Variants in ATF7IP observed in about 807,000 individuals in gnomAD.
ATF7IP encodes activating transcription factor 7 interacting protein.
Under a neutral mutation model 106.4 loss-of-function variants are expected in ATF7IP, and 23 were observed. The observed-to-expected ratio is 0.22, with a 90% CI of 0.16 to 0.31. The LOEUF is 0.31. Among genes scored for constraint, ATF7IP ranks in the 10% least tolerant of loss-of-function variants. The pLI, the probability that ATF7IP is intolerant of heterozygous loss-of-function variation, is 1.00. For missense variants in ATF7IP, 1,334 were observed against 1,524.3 expected, an observed-to-expected ratio of 0.88 and a Z score of 2.08; for synonymous variants, 542 against 539.0, an observed-to-expected ratio of 1.01 and a Z score of -0.08.
chr12:14,393,294 C>G (rs1402821190), intron 1 of ATF7IP, among the ~76,000 whole-genome samples: 1 of 151,962 alleles, frequency 6.6e-6, no homozygotes, highest in Non-Finnish European at 1.5e-5. Flanking sequence ...GTTCTCAATG[C>G]TTAGATTATT....
chr12:14,476,135 G>A, intron 11 of ATF7IP, 167 bp downstream of exon 11: 1 of 576,646 alleles, frequency 1.7e-6, no homozygotes, highest in Non-Finnish European at 3.0e-6. Flanking sequence ...TTGGCCAGGT[G>A]CAGTGTCTCA....
At chr12:14,476,160 G>T (rs1226307209) in intron 11 of ATF7IP, 192 bp downstream of exon 11, 11 of 484,644 alleles carry the variant, frequency 2.3e-5, no homozygotes, top group Non-Finnish European at 3.3e-5. Context: ...TGTAATCCCA[G>T]TGCTTTGGGA....
intron 13 of ATF7IP, among the ~76,000 whole-genome samples, chr12:14,485,156 C>T (rs574166631): frequency 2.0e-5 from 3 of 152,240 alleles, no homozygotes; most frequent in Admixed American, 2.0e-4. Context: ...AGTGGCAGAA[C>T]AGCTTGCTCA....
chr12:14,388,699 T>C (rs1939384032), intron 1 of ATF7IP, among the ~76,000 whole-genome samples: 1 of 152,086 alleles, frequency 6.6e-6, no homozygotes, highest in South Asian at 2.1e-4. Context: ...CAGGCTGGAG[T>C]GCAGTGGCAA....
chr12:14,442,677 A>G lies in ATF7IP; in HGVS notation c.1930-4311A>G, dbSNP rs143003052. The stretch of plus-strand genomic sequence containing the variant: ...GTTTTAGTATAATTATCCAGGGACA[A>G]TTTGTTCAGTTGAATACATCTGAGA... On this transcript the variant is annotated intron_variant, in intron 5 of 14. Transcript: ENST00000261168. Among the ~76,000 whole-genome samples, 700 of 152,338 alleles carry G rather than the reference A, an allele frequency of 4.6e-3. 5 individuals are homozygous for G. Among genetic ancestry groups the G allele is most frequent in the African/African-American group, 0.015 (642 of 41,580 alleles).
At position 14,460,542 on chromosome 12, in the gene ATF7IP, C is replaced by G. The variant is rs574460805; in HGVS notation, c.2206C>G (p.Pro736Ala). 6.2e-7 allele frequency: 1 copy of G among 1,614,132 alleles called. No homozygotes were observed. The highest frequency in any genetic ancestry group is 8.5e-7 in the Non-Finnish European group (1 of 1,180,010). Residue 736 changes from proline to alanine, a missense_variant, in exon 9 of 15, where the codon CCT (proline) becomes GCT (alanine). Around this residue, in one of 10 missense-constraint regions of ATF7IP, gnomAD observed 171 missense variants for 172.6 expected, o/e 0.99. Transcript: ENST00000261168. ...TCCTCCAGCAGTTGTCAGTAGTCAA[C>G]CTAAATTGCAGACTCCAGTGACTTC... ...VTPPAVVSSQ[P>A]KLQTPVTSGS...
At chr12:14,435,360 G>A (rs939678334) in intron 3 of ATF7IP, among the ~76,000 whole-genome samples, 2 of 152,106 alleles carry the variant, frequency 1.3e-5, no homozygotes, top group Non-Finnish European at 2.9e-5. Context: ...TTACAAGTAG[G>A]CATATAGATA....
rs191442664 is a variant in ATF7IP, at chr12:14,449,461, A to G, written c.1995+2408A>G. On this transcript the variant is annotated intron_variant, in intron 6 of 14. Transcript: ENST00000261168. ...ATCATTTGACCGTATATGTGAGTTT[A>G]TTTCTAAGCTCTCTATTCATTTCCT... Among the ~76,000 whole-genome samples, 9 of 151,890 alleles carry G rather than the reference A, an allele frequency of 5.9e-5. No homozygotes were observed. The East Asian group carries it at 1.7e-3, about 29-fold the overall frequency.
rs1218606375 is a variant in ATF7IP, at chr12:14,391,638, G to C, written c.-8+25811G>C. Among the ~76,000 whole-genome samples, 3 of 152,058 alleles carry C rather than the reference G, an allele frequency of 2.0e-5. No individual in the cohort carries two copies. In the East Asian group the frequency reaches 5.8e-4, roughly 29 times the overall value. ...ATGTTCTTCCTCTCATTAGTTATAG[G>C]TTATATGAAAAATGGATATATAGTG... On this transcript the variant is annotated intron_variant, in intron 1 of 14. Transcript: ENST00000261168.
Position 14,456,551 on chromosome 12 carries a change from T to TC in ATF7IP, c.1996-9dup, listed in dbSNP as rs1943432456. The TC allele has an allele frequency of 1.2e-6, 2 of 1,604,224 alleles. No homozygotes were observed. The highest frequency in any genetic ancestry group is 1.7e-6 in the Non-Finnish European group (2 of 1,173,742). On this transcript the variant is annotated splice_polypyrimidine_tract_variant and intron_variant, in intron 6 of 14. Coordinates refer to ENST00000261168, the MANE Select transcript of ATF7IP (RefSeq NM_018179.5). ...TTTTATTTTTACCTTGATTTTTTTT[T>TC]CTCCCCCAGCATCCACCCAACCCAC...
intron 13 of ATF7IP, among the ~76,000 whole-genome samples, chr12:14,487,098 C>T (rs186162514): frequency 9.5e-4 from 142 of 149,924 alleles, no homozygotes; most frequent in African/African-American, 3.5e-3. Context: ...CTTATTTCAA[C>T]TAACCAAGCA....
intron 2 of ATF7IP, among the ~76,000 whole-genome samples, chr12:14,430,900 A>C (rs1942084018): frequency 6.6e-6 from 1 of 152,256 alleles, no homozygotes; most frequent in South Asian, 2.1e-4. Flanking sequence ...GACAGAATTA[A>C]GAGGTTGTGT....
intron 1 of ATF7IP, among the ~76,000 whole-genome samples, chr12:14,371,864 G>A (rs1938544154): frequency 6.6e-6 from 1 of 151,856 alleles, no homozygotes; most frequent in Non-Finnish European, 1.5e-5. Flanking sequence ...TTATGCATTG[G>A]CTGCATACCT....
At chr12:14,420,014 A>G (rs916930645) in intron 1 of ATF7IP, 1 of 152,206 alleles carries the variant, frequency 6.6e-6, no homozygotes, top group East Asian at 1.9e-4. Context: ...GGCTAGGCTT[A>G]TTATTTTATG....
chr12:14,426,583 T>C (rs1412908517), intron 2 of ATF7IP, among the ~76,000 whole-genome samples: 2 of 149,572 alleles, frequency 1.3e-5, no homozygotes, highest in Non-Finnish European at 3.0e-5. Flanking sequence ...TCCTAGGACT[T>C]TGGGAGGCTG....
intron 5 of ATF7IP, among the ~76,000 whole-genome samples, chr12:14,441,963 A>AT (rs1448791163): frequency 1.3e-5 from 2 of 152,226 alleles, no homozygotes; most frequent in Admixed American, 1.3e-4. Flanking sequence ...TTTGGTCATG[A>AT]TTTATTATCA....
intron 1 of ATF7IP, among the ~76,000 whole-genome samples, chr12:14,401,439 C>T (rs967528494): frequency 6.6e-5 from 10 of 152,288 alleles, no homozygotes; most frequent in East Asian, 5.8e-4. Context: ...TCAGGTGATC[C>T]GCCTGCCTTG....
At position 14,438,164 on chromosome 12, in the gene ATF7IP, C is replaced by T. The variant is rs752794706; in HGVS notation, c.1826C>T (p.Ala609Val). The T allele has an allele frequency of 2.2e-5, 36 of 1,612,984 alleles. No individual in the cohort carries two copies. The highest frequency in any genetic ancestry group is 1.8e-4 in the Middle Eastern group (1 of 5,452). The change falls in exon 5 of 15, where the codon GCG becomes GTG. Residue 609 changes from alanine to valine, a missense_variant. Physicochemically the swap from Ala to Val is moderately conservative, Grantham distance 64. Around this residue, in one of 10 missense-constraint regions of ATF7IP, gnomAD observed 22 missense variants for 47.4 expected, o/e 0.46. Transcript: ENST00000261168. ...TGGTTGCTGGAAGAAAAATTGTGTG[C>T]GCTGCAGTGTGCTGTATTTGATAAG... The part of the protein sequence containing the change: ...IQWLLEEKLC[A>V]LQCAVFDKTL...
chr12:14,465,831 C>G (rs1565536546), intron 9 of ATF7IP, among the ~76,000 whole-genome samples: 1 of 151,942 alleles, frequency 6.6e-6, no homozygotes, highest in Non-Finnish European at 1.5e-5. Context: ...GGTTTTATCT[C>G]CAGAAAGAAA....
Sources: allele counts gnomAD v4.1 joint callset (sites outside exome capture counted in the v4.1 genomes callset), GRCh38; gene constraint gnomAD v4.1.1; regional missense constraint gnomAD v4.1.1; transcripts MANE v1.5; gene names NCBI Gene and HGNC (gene_info 2026-07-23, HGNC 2026-07-21).